The following CFAP54 variants were observed in gnomAD, a reference collection of about 807,000 sequenced individuals.
CFAP54 encodes cilia- and flagella-associated protein 54.
A neutral mutation model predicts 370.4 loss-of-function variants in CFAP54; 290 were observed. The ratio of observed to expected loss-of-function variants is 0.78; its 90% confidence interval spans 0.71 to 0.86. The LOEUF is 0.86. CFAP54 is among the 40% of genes least tolerant of loss of function. The pLI, the probability that CFAP54 is intolerant of heterozygous loss-of-function variation, is 0.00. For synonymous variants in CFAP54, 1,206 were observed against 1,236.5 expected (o/e 0.98, Z 0.52); for missense variants, 3,399 against 3,528.7 (o/e 0.96, Z 0.93).
chr12:96,642,660 T>G lies in CFAP54; in HGVS notation c.4317-1518T>G, dbSNP rs12831535. 9.2e-3 allele frequency among the ~76,000 whole-genome samples: 1,396 copies of G among 152,278 alleles called. 9 individuals are homozygous for G. Among genetic ancestry groups the G allele is most frequent in the Non-Finnish European group, 0.012 (817 of 68,014 alleles). On this transcript the variant is annotated intron_variant, in intron 32 of 67. Transcript: ENST00000524981. ...ATGTCAATACGCTAGCTTATTTCCT[T>G]AAGCCAGAATATATAGAAGGTAGTT... is the stretch of plus-strand genomic sequence containing the variant.
At position 96,605,458 on chromosome 12, in the gene CFAP54, G is replaced by A. The variant is rs144725768; in HGVS notation, c.3639+6691G>A. ...AGACTCTAAGGACAATTCTGAGATT[G>A]GTGTGCAGGACCCTGAACTCAAAAA... On this transcript the variant is annotated intron_variant, in intron 26 of 67. Transcript: ENST00000524981. Among the ~76,000 whole-genome samples the A allele has an allele frequency of 1.0e-3, 156 of 152,276 alleles. No individual in the cohort carries two copies. The South Asian group carries it at 0.014, about 14-fold the overall frequency.
chr12:96,672,414 G>A (rs892390604), intron 39 of CFAP54, among the ~76,000 whole-genome samples: 4 of 152,166 alleles, frequency 2.6e-5, no homozygotes, highest in African/African-American at 9.7e-5. Context: ...GAAGCAAGGG[G>A]CTGCGAGTAT....
intron 48 of CFAP54, among the ~76,000 whole-genome samples, chr12:96,712,496 A>G (rs568151824): frequency 6.6e-6 from 1 of 152,274 alleles, no homozygotes; most frequent in South Asian, 2.1e-4. Flanking sequence ...GATATCCATT[A>G]CCTCAAACAC....
chr12:96,816,989 G>A (rs1485362781), intron 64 of CFAP54, among the ~76,000 whole-genome samples: 2 of 151,946 alleles, frequency 1.3e-5, no homozygotes, highest in East Asian at 1.9e-4. Flanking sequence ...TCCCATTCCC[G>A]ACACACATGC....
chr12:96,778,833 C>T (rs1821935572), intron 60 of CFAP54, among the ~76,000 whole-genome samples: 1 of 152,102 alleles, frequency 6.6e-6, no homozygotes, highest in African/African-American at 2.4e-5. Context: ...CATGGCCGGG[C>T]GTGATGGCTC....
At chr12:96,667,923 C>T (rs1234007938) in intron 39 of CFAP54, among the ~76,000 whole-genome samples, 1 of 152,186 alleles carries the variant, frequency 6.6e-6, no homozygotes, top group Non-Finnish European at 1.5e-5. Flanking sequence ...TAAATCATCT[C>T]TCAAGTTCAA....
chr12:96,601,415 C>A (rs1451931965), intron 26 of CFAP54, among the ~76,000 whole-genome samples: 1 of 152,134 alleles, frequency 6.6e-6, no homozygotes, highest in Non-Finnish European at 1.5e-5. Context: ...GCCTGAAATT[C>A]TCTTTTTTGT....
chr12:96,573,936 G>C (rs1309854355), intron 19 of CFAP54, among the ~76,000 whole-genome samples: 1 of 152,138 alleles, frequency 6.6e-6, no homozygotes, highest in Non-Finnish European at 1.5e-5. Flanking sequence ...AGGCCTCCTG[G>C]CACTGAACAA....
chr12:96,622,129 A>C (rs1956503232), intron 27 of CFAP54, among the ~76,000 whole-genome samples: 1 of 151,936 alleles, frequency 6.6e-6, no homozygotes, highest in African/African-American at 2.4e-5. Flanking sequence ...CTTTGTGTTC[A>C]AAGTAGATTT....
intron 26 of CFAP54, among the ~76,000 whole-genome samples, chr12:96,608,459 C>CT (rs5800258): frequency 0.11 from 12,276 of 106,896 alleles, 2,409 homozygotes; most frequent in African/African-American, 0.32. Flanking sequence ...CATAGTAGGA[C>CT]TTTTTTTTTT....
rs544798974 is a variant in CFAP54 at position 96,862,665 on chromosome 12, C to T, written c.*14+1713C>T. Among the ~76,000 whole-genome samples, 52 of 152,292 alleles carry T rather than the reference C, an allele frequency of 3.4e-4. No individual in the cohort carries two copies. In the South Asian group the frequency reaches 0.01, roughly 30 times the overall value. On this transcript the variant is annotated intron_variant, in intron 67 of 67. Coordinates refer to ENST00000524981, the MANE Select transcript of CFAP54 (RefSeq NM_001306084.2). ...AAAGAGAAAAAGAACCAAATATTTA[C>T]TCATGAATTCAAAGGGAAAAATTGT...
intron 50 of CFAP54, among the ~76,000 whole-genome samples, chr12:96,724,156 A>G (rs1957798424): frequency 1.3e-5 from 2 of 150,694 alleles, no homozygotes; most frequent in Non-Finnish European, 3.0e-5. Context: ...GTGTCTTTAT[A>G]GCAGCATGAT....
At chr12:96,769,545 T>C (rs1296977699) in intron 60 of CFAP54, among the ~76,000 whole-genome samples, 1 of 152,238 alleles carries the variant, frequency 6.6e-6, no homozygotes, top group Non-Finnish European at 1.5e-5. Context: ...CTGTCTTGGC[T>C]CCTTGCTGTG....
intron 65 of CFAP54, among the ~76,000 whole-genome samples, chr12:96,827,941 TATA>T (rs1345885882): frequency 9.2e-6 from 1 of 108,668 alleles, no homozygotes; most frequent in African/African-American, 3.6e-5. Context: ...TATAGTTATA[TATA>T]ATATATAATT....
intron 43 of CFAP54, 22 bp from the exon 44 acceptor site, chr12:96,691,106 T>C: frequency 6.2e-7 from 1 of 1,606,230 alleles, no homozygotes; most frequent in Non-Finnish European, 8.5e-7. Flanking sequence ...GCTCTTTATA[T>C]TTCACTTTTT....
Position 96,693,732 on chromosome 12 carries a change from T to C in CFAP54, c.6275T>C (p.Leu2092Pro). Residue 2092 changes from leucine to proline, a missense_variant, in exon 45 of 68, where the codon CTC becomes CCC. Leu to Pro is a moderately conservative substitution (Grantham distance 98, BLOSUM62 -3). Coordinates refer to ENST00000524981, the MANE Select transcript of CFAP54 (RefSeq NM_001306084.2). ...FVRQNLIVLP[L>P]LALYQYFVSG... ...TTTTTCTCCTGATAGGTTCTGCCTC[T>C]CCTTGCATTGTATCAATATTTTGTT... The C allele has an allele frequency of 6.3e-7, 1 of 1,585,884 alleles. No individual in the cohort carries two copies. Among genetic ancestry groups the C allele is most frequent in the Non-Finnish European group, 8.6e-7 (1 of 1,158,270 alleles).
At chr12:96,518,847 T>G (rs1161905971) in intron 5 of CFAP54, 81 bp from the exon 6 acceptor site, 1 of 1,272,206 alleles carries the variant, frequency 7.9e-7, no homozygotes, top group Non-Finnish European at 1.0e-6. Context: ...TGCTCACAAC[T>G]TAGAATTTGA....
At chr12:96,751,545 G>T (rs1236921896) in intron 55 of CFAP54, among the ~76,000 whole-genome samples, 1 of 151,960 alleles carries the variant, frequency 6.6e-6, no homozygotes, top group Non-Finnish European at 1.5e-5. Flanking sequence ...ATGACATGAA[G>T]TATTTGTTAT....
chr12:96,588,378 C>T (rs1191847213), intron 22 of CFAP54, among the ~76,000 whole-genome samples: 2 of 152,130 alleles, frequency 1.3e-5, no homozygotes, highest in East Asian at 3.8e-4. Flanking sequence ...TTTCTAAAGC[C>T]TCTGCAATTA....
Sources: allele counts gnomAD v4.1 joint callset (sites outside exome capture counted in the v4.1 genomes callset), GRCh38; gene constraint gnomAD v4.1.1; transcripts MANE v1.5; gene names NCBI Gene and HGNC (gene_info 2026-07-23, HGNC 2026-07-21).